Variants in FRMD4B observed in about 807,000 individuals in gnomAD.
FRMD4B encodes FERM domain-containing protein 4B.
FRMD4B carries 74 observed loss-of-function variants against 141.5 expected under a neutral mutation model. The observed-to-expected ratio is 0.52, with a 90% CI of 0.43 to 0.63. The LOEUF is 0.63. FRMD4B is among the 30% of genes least tolerant of loss of function. FRMD4B has a pLI of 0.00. For synonymous variants in FRMD4B, 506 were observed against 467.9 expected (o/e 1.08, Z -1.05); for missense variants, 1,366 against 1,253.4 (o/e 1.09, Z -1.36).
intron 1 of FRMD4B, among the ~76,000 whole-genome samples, chr3:69,352,426 A>G (rs1489478514): frequency 6.6e-6 from 1 of 152,122 alleles, no homozygotes; most frequent in African/African-American, 2.4e-5. Context: ...TCCTATTGTG[A>G]TATATTTAAT....
chr3:69,498,785 C>T (rs577677994), intron 1 of FRMD4B, among the ~76,000 whole-genome samples: 2 of 152,238 alleles, frequency 1.3e-5, no homozygotes, highest in South Asian at 2.1e-4. Context: ...CACAGGCACT[C>T]ATTATTATTC....
Position 69,333,111 on chromosome 3 carries a change from G to A in FRMD4B, c.163-19594C>T, listed in dbSNP as rs956310896. 7.0e-4 allele frequency among the ~76,000 whole-genome samples: 107 copies of A among 152,026 alleles called. 1 individual carries two copies. The highest frequency in any genetic ancestry group is 2.1e-4 in the South Asian group (1 of 4,826). On this transcript the variant is annotated intron_variant, in intron 1 of 22. Transcript: ENST00000398540. ...TTTTGGGAATCTGCAGTGCTCCATC[G>A]TTATGGTCTTGGCTGCCTCGATGGC...
intron 5 of FRMD4B, among the ~76,000 whole-genome samples, chr3:69,278,427 C>A (rs2093628472): frequency 6.6e-6 from 1 of 151,116 alleles, no homozygotes; most frequent in South Asian, 2.1e-4. Flanking sequence ...GCCTCCTGAG[C>A]AGCTAGGACT....
At chr3:69,454,979 G>A (rs780665649) in intron 1 of FRMD4B, among the ~76,000 whole-genome samples, 12 of 152,226 alleles carry the variant, frequency 7.9e-5, no homozygotes, top group Admixed American at 2.6e-4. Context: ...CTTGGAGTTC[G>A]TGGGTACAAC....
At chr3:69,434,557 G>C (rs965078334) in intron 1 of FRMD4B, among the ~76,000 whole-genome samples, 1 of 152,142 alleles carries the variant, frequency 6.6e-6, no homozygotes, top group African/African-American at 2.4e-5. Flanking sequence ...TATTTGGAAG[G>C]AAACTAAAGA....
At chr3:69,309,675 G>T (rs1701511483) in intron 3 of FRMD4B, among the ~76,000 whole-genome samples, 1 of 138,138 alleles carries the variant, frequency 7.2e-6, no homozygotes. Flanking sequence ...TGAAACTCCT[G>T]TACTCAAGGG....
chr3:69,483,672 T>C (rs1575586801), intron 1 of FRMD4B, among the ~76,000 whole-genome samples: 1 of 152,174 alleles, frequency 6.6e-6, no homozygotes, highest in South Asian at 2.1e-4. Flanking sequence ...TGGAAACTGC[T>C]GGTGGAAAAA....
intron 1 of FRMD4B, among the ~76,000 whole-genome samples, chr3:69,538,995 T>C (rs376787338): frequency 1.3e-5 from 2 of 152,180 alleles, no homozygotes; most frequent in African/African-American, 4.8e-5. Context: ...CTGATGACAG[T>C]CATTTCAGTG....
chr3:69,462,995 T>C (rs1025518680), intron 1 of FRMD4B, among the ~76,000 whole-genome samples: 2 of 152,216 alleles, frequency 1.3e-5, no homozygotes, highest in African/African-American at 4.8e-5. Flanking sequence ...TCCTTCTTAT[T>C]CACACTCACA....
At chr3:69,368,034 G>A (rs1703716328) in intron 1 of FRMD4B, among the ~76,000 whole-genome samples, 2 of 152,300 alleles carry the variant, frequency 1.3e-5, no homozygotes, top group South Asian at 4.1e-4. Context: ...TTTCTGGGAT[G>A]CTTTTCCTTC....
intron 5 of FRMD4B, among the ~76,000 whole-genome samples, chr3:69,274,098 G>A (rs1290893589): frequency 1.3e-5 from 2 of 152,000 alleles, no homozygotes; most frequent in African/African-American, 4.8e-5. Context: ...GGAAGGAGGA[G>A]TTATTTCAGT....
chr3:69,238,270 T>A (rs1423116622), intron 7 of FRMD4B, among the ~76,000 whole-genome samples: 2 of 152,130 alleles, frequency 1.3e-5, no homozygotes, highest in Non-Finnish European at 2.9e-5. Context: ...AACCAACCAA[T>A]CAGCTCTAGG....
At chr3:69,541,796 C>T (rs77035863) in intron 1 of FRMD4B, among the ~76,000 whole-genome samples, 1 of 151,418 alleles carries the variant, frequency 6.6e-6, no homozygotes, top group African/African-American at 2.4e-5. Context: ...ATTTCCCCCC[C>T]CTCTTTTCGC....
chr3:69,536,248 CT>C, intron 1 of FRMD4B: 4 of 606,314 alleles, frequency 6.6e-6, no homozygotes, highest in East Asian at 3.0e-5. Flanking sequence ...TCCCCTTGGC[CT>C]TTTCCGCTCT....
At chr3:69,362,357 C>G (rs1270809367) in intron 1 of FRMD4B, among the ~76,000 whole-genome samples, 1 of 152,190 alleles carries the variant, frequency 6.6e-6, no homozygotes, top group Non-Finnish European at 1.5e-5. Context: ...AGGCTCTTGA[C>G]TTGTGTGCTC....
At chr3:69,190,094 T>A in intron 17 of FRMD4B, 142 bp from the exon 18 acceptor site, 1 of 582,544 alleles carries the variant, frequency 1.7e-6, no homozygotes, top group South Asian at 2.4e-5. Flanking sequence ...TTAACTACCA[T>A]AGTAAGAATG....
At chr3:69,287,643 C>T (rs961994233) in intron 5 of FRMD4B, 109 bp downstream of exon 5, 1 of 674,920 alleles carries the variant, frequency 1.5e-6, no homozygotes, top group East Asian at 2.7e-5. Context: ...AAGATTGTGG[C>T]CTTTTTTTTT....
rs755237312 is a variant in FRMD4B at position 69,265,739 on chromosome 3, G to A, written c.502-15640C>T. Reference sequence around the variant, plus strand: ...TGTGATTACAGGCGTGAGCCACAGCGCCTGGCCACATATTTGTTCTTGAGA... The same window carrying A: ...TGTGATTACAGGCGTGAGCCACAGCACCTGGCCACATATTTGTTCTTGAGA... On this transcript the variant is annotated intron_variant, in intron 5 of 22. Coordinates refer to ENST00000398540, the MANE Select transcript of FRMD4B (RefSeq NM_015123.3). 5.3e-5 allele frequency among the ~76,000 whole-genome samples: 8 copies of A among 151,890 alleles called. No individual in the cohort carries two copies. The South Asian group carries it at 1.2e-3, about 24-fold the overall frequency.
intron 1 of FRMD4B, among the ~76,000 whole-genome samples, chr3:69,466,849 C>T (rs943103164): frequency 6.6e-6 from 1 of 152,098 alleles, no homozygotes; most frequent in African/African-American, 2.4e-5. Context: ...GCATGTACCA[C>T]CACACCCAGC....
Sources: gnomAD v4.1 joint callset for allele counts (sites outside exome capture counted in the v4.1 genomes callset) on GRCh38, gnomAD v4.1.1 for gene constraint, MANE v1.5 for transcripts, NCBI Gene and HGNC (gene_info 2026-07-23, HGNC 2026-07-21) for gene names.